Variants in E2F3 observed in about 807,000 individuals in gnomAD.
E2F3 encodes transcription factor E2F3.
In E2F3, 11 loss-of-function variants were observed where a neutral mutation model predicts 44.4. The ratio of observed to expected loss-of-function variants is 0.25; its 90% CI spans 0.16 to 0.41. The LOEUF is 0.41. Among genes scored for constraint, E2F3 ranks in the 10% least tolerant of loss-of-function variants. E2F3 has a pLI of 1.00. For synonymous variants in E2F3, 249 were observed against 253.0 expected (o/e 0.98, Z 0.15); for missense variants, 487 against 583.6 (o/e 0.83, Z 1.70).
intron 5 of E2F3, 67 bp from the exon 6 acceptor site, chr6:20,488,046 A>G: frequency 3.1e-6 from 5 of 1,589,756 alleles, no homozygotes; most frequent in Admixed American, 1.8e-5. Context: ...ATTTTTAGAC[A>G]AGAATTACTA....
rs149694778 is a variant in E2F3, at chr6:20,490,250, C to T, written c.1218C>T (p.Leu406=). ...CTCCTCTGGCCTCCCCAGCCAACCT[C>T]TTACAGCAGACTGAGGACCAAATTC... ...NLSPLASPAN[L]LQQTEDQIPS... The change falls in exon 7 of 7, where the codon CTC becomes CTT. Residue 406 remains leucine, a synonymous_variant. Coordinates refer to ENST00000346618, the MANE Select transcript of E2F3 (RefSeq NM_001949.5). This position sits in a 1 kb window ranked among gnomAD's most constrained non-coding sequence, Gnocchi z 4.3. 4.3e-5 allele frequency: 70 copies of T among 1,614,176 alleles called. No individual in the cohort carries two copies. The highest frequency in any genetic ancestry group is 5.4e-5 in the Non-Finnish European group (64 of 1,180,016).
chr6:20,414,584 T>G (rs1759782460), intron 1 of E2F3, among the ~76,000 whole-genome samples: 1 of 152,228 alleles, frequency 6.6e-6, no homozygotes, highest in Non-Finnish European at 1.5e-5. Context: ...ATTCTAAGTA[T>G]CTCTATAATT....
intron 1 of E2F3, among the ~76,000 whole-genome samples, chr6:20,422,700 C>G (rs769435466): frequency 6.6e-6 from 1 of 151,994 alleles, no homozygotes; most frequent in Admixed American, 6.6e-5. Flanking sequence ...TAGGGAGGCC[C>G]GAGAAGAGGG....
intron 1 of E2F3, among the ~76,000 whole-genome samples, chr6:20,427,031 G>A (rs962973843): frequency 6.6e-6 from 1 of 152,172 alleles, no homozygotes; most frequent in Admixed American, 6.5e-5. Flanking sequence ...GATGCTGGGG[G>A]AAGAAAATGG....
intron 1 of E2F3, among the ~76,000 whole-genome samples, chr6:20,409,471 T>C (rs1213448125): frequency 2.0e-5 from 3 of 152,174 alleles, no homozygotes; most frequent in Non-Finnish European, 4.4e-5. Context: ...TCTAAAAGGA[T>C]TTTTGAGACT....
chr6:20,441,150 A>T (rs1399649758), intron 1 of E2F3, among the ~76,000 whole-genome samples: 1 of 152,204 alleles, frequency 6.6e-6, no homozygotes. Flanking sequence ...CTACCATTGA[A>T]CAATAACTCC....
chr6:20,479,814 C>A, intron 1 of E2F3, 32 bp from the exon 2 acceptor site: 1 of 1,572,982 alleles, frequency 6.4e-7, no homozygotes, highest in Non-Finnish European at 8.7e-7. Flanking sequence ...TCCATATGAC[C>A]GGTGACGAGA....
chr6:20,489,482 A>C (rs1561889677), intron 6 of E2F3, among the ~76,000 whole-genome samples: 1 of 152,086 alleles, frequency 6.6e-6, no homozygotes, highest in Non-Finnish European at 1.5e-5. Flanking sequence ...TTAAAAAAAA[A>C]AGTTCTTTTT....
intron 1 of E2F3, among the ~76,000 whole-genome samples, chr6:20,456,333 G>C (rs1365790604): frequency 6.6e-6 from 1 of 151,292 alleles, no homozygotes; most frequent in Non-Finnish European, 1.5e-5. Flanking sequence ...AAAAAAATTA[G>C]GTTCTATTTT....
At chr6:20,419,773 C>T (rs1160233354) in intron 1 of E2F3, among the ~76,000 whole-genome samples, 2 of 152,132 alleles carry the variant, frequency 1.3e-5, no homozygotes, top group Non-Finnish European at 2.9e-5. Flanking sequence ...ACCGTGTTGC[C>T]CAGGCTGGTC....
Position 20,422,900 on chromosome 6 carries a change from C to T in E2F3, c.393+20275C>T, listed in dbSNP as rs143211849. On this transcript the variant is annotated intron_variant, in intron 1 of 6. Coordinates refer to ENST00000346618, the MANE Select transcript of E2F3 (RefSeq NM_001949.5). ...AGTAATGAAAAAGTTTGAAATATTACGAGAATTACCAAAATTTGACAGAGA... is the reference window on the plus strand; with the variant it reads ...AGTAATGAAAAAGTTTGAAATATTATGAGAATTACCAAAATTTGACAGAGA... Among the ~76,000 whole-genome samples, 527 of 152,232 alleles carry T rather than the reference C, an allele frequency of 3.5e-3. 3 individuals are homozygous for T. The highest frequency in any genetic ancestry group is 0.011 in the African/African-American group (452 of 41,522).
At chr6:20,431,990 G>A (rs1283432608) in intron 1 of E2F3, among the ~76,000 whole-genome samples, 1 of 152,218 alleles carries the variant, frequency 6.6e-6, no homozygotes, top group East Asian at 1.9e-4. Flanking sequence ...CTCACCGGGT[G>A]TCTTTTCCTT....
intron 1 of E2F3, among the ~76,000 whole-genome samples, chr6:20,425,064 G>T (rs1760168306): frequency 6.6e-6 from 1 of 152,200 alleles, no homozygotes; most frequent in Non-Finnish European, 1.5e-5. Flanking sequence ...TTTATTGCAT[G>T]AAGGGAAGAC....
rs565464979 is a variant in E2F3, at chr6:20,488,583, G to A, written c.1135+335G>A. On this transcript the variant is annotated intron_variant, in intron 6 of 6. Transcript: ENST00000346618. The stretch of plus-strand genomic sequence containing the variant: ...TGGCCACACACCTTTGAATCACACT[G>A]CAGAGCTCATCAGAGAGGGAAATGA... 2.6e-5 allele frequency among the ~76,000 whole-genome samples: 4 copies of A among 152,302 alleles called. No individual in the cohort carries two copies. The South Asian group carries it at 8.3e-4, about 32-fold the overall frequency.
At position 20,407,249 on chromosome 6, in the gene E2F3, A is replaced by C. The variant is rs1482754599; in HGVS notation, c.393+4624A>C. On this transcript the variant is annotated intron_variant, in intron 1 of 6. Coordinates refer to ENST00000346618, the MANE Select transcript of E2F3 (RefSeq NM_001949.5). ...TAGTCACTACATACCCCAAAATGGA[A>C]GTTTTAATATAATGCAGTGCCCAGA... Among the ~76,000 whole-genome samples the C allele has an allele frequency of 3.3e-5, 5 of 152,196 alleles. No individual in the cohort carries two copies. The East Asian group carries it at 9.6e-4, about 29-fold the overall frequency.
chr6:20,449,611 C>A (rs1276916587), intron 1 of E2F3, among the ~76,000 whole-genome samples: 1 of 151,998 alleles, frequency 6.6e-6, no homozygotes, highest in African/African-American at 2.4e-5. Context: ...GTGTGGCTAG[C>A]CCCTCCTTTT....
chr6:20,415,637 T>C (rs2127587526), intron 1 of E2F3, among the ~76,000 whole-genome samples: 1 of 152,342 alleles, frequency 6.6e-6, no homozygotes, highest in African/African-American at 2.4e-5. Context: ...CTCTTCTATA[T>C]ATAGTACATA....
chr6:20,424,213 GT>G (rs1561853839), intron 1 of E2F3, among the ~76,000 whole-genome samples: 3 of 72,416 alleles, frequency 4.1e-5, no homozygotes, highest in Non-Finnish European at 7.0e-5. Flanking sequence ...GTGGAAGGGT[GT>G]GTGTGTGTGT....
chr6:20,461,701 A>C (rs773719552), intron 1 of E2F3, among the ~76,000 whole-genome samples: 2 of 152,148 alleles, frequency 1.3e-5, no homozygotes, highest in African/African-American at 4.8e-5. Flanking sequence ...ACTCACTACT[A>C]TATTTGTGTG....
Sources: allele counts gnomAD v4.1 joint callset (sites outside exome capture counted in the v4.1 genomes callset), GRCh38; gene constraint gnomAD v4.1.1; non-coding constraint Gnocchi (gnomAD v3.1); transcripts MANE v1.5; gene names NCBI Gene and HGNC (gene_info 2026-07-23, HGNC 2026-07-21).